The following CACNA1C variants were observed in gnomAD, a reference collection of about 807,000 sequenced individuals.
CACNA1C encodes the protein calcium voltage-gated channel subunit alpha1 C.
In CACNA1C, 30 loss-of-function variants were observed where a neutral mutation model predicts 229.0. That is an observed-to-expected ratio of 0.13 (90% CI 0.10 to 0.18). The LOEUF (loss-of-function observed/expected upper bound fraction) is 0.18, where lower values mean the gene tolerates loss of function less well. CACNA1C is among the 10% of genes least tolerant of loss of function. The probability of loss-of-function intolerance (pLI) is 1.00; values close to 1 mark genes in which losing one functional copy is unlikely to be tolerated. For missense variants in CACNA1C, 1,658 were observed against 2,845.0 expected, an observed-to-expected ratio of 0.58 and a Z score of 9.49; for synonymous variants, 1,114 against 1,132.5, an observed-to-expected ratio of 0.98 and a Z score of 0.33.
At chr12:1,997,299 C>T (rs757147699) in intron 1 of CACNA1C, among the ~76,000 whole-genome samples, 11 of 152,110 alleles carry the variant, frequency 7.2e-5, no homozygotes, top group Non-Finnish European at 1.3e-4. Context: ...GAGGCCAAGG[C>T]GGGTGGATCA....
chr12:2,544,536 A>G (rs2099877591), intron 9 of CACNA1C, among the ~76,000 whole-genome samples: 1 of 152,212 alleles, frequency 6.6e-6, no homozygotes, highest in Non-Finnish European at 1.5e-5. Flanking sequence ...CAGACTGTGA[A>G]TTTTAAATCA....
At chr12:2,210,448 ATAGC>A (rs778646086) in intron 3 of CACNA1C, among the ~76,000 whole-genome samples, 2 of 152,184 alleles carry the variant, frequency 1.3e-5, no homozygotes, top group African/African-American at 2.4e-5. Flanking sequence ...AAGCATTTAA[ATAGC>A]TAGCCTTGTT....
At chr12:2,291,624 A>C (rs922179906) in intron 3 of CACNA1C, among the ~76,000 whole-genome samples, 4 of 152,228 alleles carry the variant, frequency 2.6e-5, no homozygotes, top group African/African-American at 9.6e-5. Flanking sequence ...TGGAGGGCGC[A>C]GGATTTGGCT....
rs112353655 is a variant in CACNA1C at position 2,606,775 on chromosome 12, G to A, written c.3209+112G>A. On this transcript the variant is annotated intron_variant, in intron 25 of 46. Transcript: ENST00000399655. ...TTTCTAAGACTGCAGTGGCACCTGC[G>A]CTCTGCCTGTGTGTCATCTGGCCTC... The A allele has an allele frequency of 1.6e-3, 1,639 of 1,003,738 alleles. 26 individuals carry two copies. In the African/African-American group the frequency reaches 0.023, roughly 14 times the overall value. The allele number at this position is 1,003,738 out of a possible 1,614,324, so 62.2% of individuals were successfully genotyped here.
intron 1 of CACNA1C, chr12:1,992,697 GAC>G (rs1320978173): frequency 6.2e-6 from 1 of 162,208 alleles, no homozygotes; most frequent in Non-Finnish European, 1.3e-5. Context: ...TTTCAAATCT[GAC>G]AAGGACTATT....
chr12:2,605,063 C>G lies in CACNA1C; in HGVS notation c.2961-18C>G. On this transcript the variant is annotated intron_variant, in intron 22 of 46. Coordinates refer to ENST00000399655, the MANE Select transcript of CACNA1C (RefSeq NM_000719.7). This position sits in a 1 kb window ranked among gnomAD's most constrained non-coding sequence, Gnocchi z 6.2. ...GAAACAGGAGGAGCTTACTACCCTG[C>G]CTGTTTCCCTCTCCCAGGTCCAGTG... 1 of 1,598,192 alleles carries G rather than the reference C, an allele frequency of 6.3e-7. No individual in the cohort carries two copies. Among genetic ancestry groups the G allele is most frequent in the Non-Finnish European group, 8.6e-7 (1 of 1,165,478 alleles).
chr12:2,468,631 A>G (rs960079003), intron 5 of CACNA1C, among the ~76,000 whole-genome samples: 8 of 152,186 alleles, frequency 5.3e-5, no homozygotes, highest in African/African-American at 1.9e-4. Flanking sequence ...CTGGCTCTAG[A>G]GATTGAGAGT....
intron 3 of CACNA1C, among the ~76,000 whole-genome samples, chr12:2,165,727 A>ATG (rs749632791): frequency 3.6e-4 from 55 of 151,574 alleles, no homozygotes; most frequent in Middle Eastern, 3.4e-3. Flanking sequence ...CAGAGTCCAT[A>ATG]TGTGTGTGTG....
At chr12:2,303,973 G>T (rs1247830337) in intron 3 of CACNA1C, among the ~76,000 whole-genome samples, 1 of 152,258 alleles carries the variant, frequency 6.6e-6, no homozygotes, top group African/African-American at 2.4e-5. Flanking sequence ...GTCTGGTGTG[G>T]AGTGGTGGAG....
chr12:2,501,229 A>AAAAAAAAAAAAAAAAAAC, intron 7 of CACNA1C, among the ~76,000 whole-genome samples: 1 of 150,870 alleles, frequency 6.6e-6, no homozygotes, highest in Non-Finnish European at 1.5e-5. Context: ...AAAAAAAAAA[A>AAAAAAAAAAAAAAAAAAC]AAAAAGTAAA....
At chr12:1,996,351 C>T (rs1593309581) in intron 1 of CACNA1C, among the ~76,000 whole-genome samples, 2 of 152,116 alleles carry the variant, frequency 1.3e-5, no homozygotes, top group South Asian at 2.1e-4. Context: ...CTACTATAAA[C>T]CAGTATAAGC....
chr12:2,563,942 A>G (rs2048876792), intron 11 of CACNA1C, among the ~76,000 whole-genome samples: 1 of 152,232 alleles, frequency 6.6e-6, no homozygotes. Context: ...GTGAGTTCAC[A>G]CAGATGGGGC....
chr12:2,611,325 G>T (rs550386290), intron 28 of CACNA1C, among the ~76,000 whole-genome samples: 1 of 141,546 alleles, frequency 7.1e-6, no homozygotes, highest in Non-Finnish European at 1.5e-5. Flanking sequence ...AGAACGGAGG[G>T]ATGAGCTGGA....
intron 3 of CACNA1C, among the ~76,000 whole-genome samples, chr12:2,438,924 A>C (rs904157837): frequency 1.3e-5 from 2 of 152,122 alleles, no homozygotes; most frequent in African/African-American, 4.8e-5. Flanking sequence ...CCACTGCTGC[A>C]CTTTTTCCCC....
Position 2,467,969 on chromosome 12 carries a change from C to T in CACNA1C, c.757+10263C>T, listed in dbSNP as rs756003391. Reference sequence around the variant, plus strand: ...AAGGAGGAGATTCTACCTGTGCAGCCCTGTGAGCTCCCAGCATCCGAGACC... The same window carrying T: ...AAGGAGGAGATTCTACCTGTGCAGCTCTGTGAGCTCCCAGCATCCGAGACC... On this transcript the variant is annotated intron_variant, in intron 5 of 46. Coordinates refer to ENST00000399655, the MANE Select transcript of CACNA1C (RefSeq NM_000719.7). The surrounding 1 kb of genome is among the most constrained non-coding windows in gnomAD (Gnocchi z 4.6). 1.3e-5 allele frequency among the ~76,000 whole-genome samples: 2 copies of T among 152,188 alleles called. No individual in the cohort carries two copies. The highest frequency in any genetic ancestry group is 2.9e-5 in the Non-Finnish European group (2 of 68,038).
chr12:2,527,132 C>A (rs2099819798), intron 9 of CACNA1C, among the ~76,000 whole-genome samples: 1 of 152,148 alleles, frequency 6.6e-6, no homozygotes, highest in South Asian at 2.1e-4. Flanking sequence ...CCTTGCTGTT[C>A]CCTAAATCAT....
chr12:2,367,697 C>T (rs1367990640), intron 3 of CACNA1C, among the ~76,000 whole-genome samples: 1 of 151,788 alleles, frequency 6.6e-6, no homozygotes, highest in Non-Finnish European at 1.5e-5. Flanking sequence ...ATTAATTTAC[C>T]TCTGGAAATT....
Position 2,410,262 on chromosome 12 carries a change from CG to C in CACNA1C, c.478-38711del, listed in dbSNP as rs1213672220. On this transcript the variant is annotated intron_variant, in intron 3 of 46. Transcript: ENST00000399655. This position sits in a 1 kb window ranked among gnomAD's most constrained non-coding sequence, Gnocchi z 5.3. ...GAATCGACCTCAACGAGCTCGTCGCCGGGCACCGTTTTAGCAGCCCCACCAC... is the reference window on the plus strand; with the variant it reads ...GAATCGACCTCAACGAGCTCGTCGCCGGCACCGTTTTAGCAGCCCCACCAC... 3.9e-5 allele frequency among the ~76,000 whole-genome samples: 6 copies of C among 152,128 alleles called. No homozygotes were observed.
chr12:2,555,352 C>T (rs2154592473), intron 10 of CACNA1C, among the ~76,000 whole-genome samples: 1 of 152,344 alleles, frequency 6.6e-6, no homozygotes, highest in East Asian at 1.9e-4. Flanking sequence ...TGAGGTGTTT[C>T]TGAAAGAAGG....
Sources: allele counts gnomAD v4.1 joint callset (sites outside exome capture counted in the v4.1 genomes callset), GRCh38; gene constraint gnomAD v4.1.1; non-coding constraint Gnocchi (gnomAD v3.1); transcripts MANE v1.5; gene names NCBI Gene and HGNC (gene_info 2026-07-23, HGNC 2026-07-21).